RUNX1: variants seen among roughly 807,000 people sequenced by gnomAD.
The protein encoded by RUNX1 is RUNX family transcription factor 1, also known as runt-related transcription factor 1.
Under a neutral mutation model 42.8 loss-of-function variants are expected in RUNX1, and 19 were observed. The observed-to-expected ratio is 0.44, with a 90% confidence interval of 0.31 to 0.65. The LOEUF (loss-of-function observed/expected upper bound fraction) is 0.65. Ranked by LOEUF, RUNX1 falls within the 30% of genes least tolerant of loss-of-function variation. The probability of loss-of-function intolerance (pLI) is 0.07; values close to 1 mark genes in which losing one functional copy is unlikely to be tolerated. For missense variants in RUNX1, 528 were observed against 672.0 expected (o/e 0.79, Z 2.37); for synonymous variants, 271 against 289.4 (o/e 0.94, Z 0.64).
intron 6 of RUNX1, among the ~76,000 whole-genome samples, chr21:34,854,419 T>A (rs180769395): frequency 6.6e-6 from 1 of 151,770 alleles, no homozygotes; most frequent in East Asian, 1.9e-4. Flanking sequence ...ACCATCTCTA[T>A]GAAAAAAATT....
intron 6 of RUNX1, among the ~76,000 whole-genome samples, chr21:34,837,108 C>T (rs565745784): frequency 2.6e-5 from 4 of 152,310 alleles, no homozygotes; most frequent in Non-Finnish European, 5.9e-5. Flanking sequence ...AAATTGTAGT[C>T]ATTTATAGAG....
intron 2 of RUNX1, among the ~76,000 whole-genome samples, chr21:34,913,006 G>A (rs979236152): frequency 1.3e-5 from 2 of 152,132 alleles, no homozygotes; most frequent in African/African-American, 4.8e-5. Context: ...TGAGGCAGGT[G>A]GATCACTTGA....
chr21:34,904,215 C>T (rs16992490), intron 2 of RUNX1, among the ~76,000 whole-genome samples: 36,025 of 151,836 alleles, frequency 0.24, 4,577 homozygotes, highest in African/African-American at 0.3. Context: ...AAAGGTAAGG[C>T]AAATTTTGCT....
At chr21:34,941,714 A>T (rs1039742895) in intron 2 of RUNX1, among the ~76,000 whole-genome samples, 1 of 152,260 alleles carries the variant, frequency 6.6e-6, no homozygotes, top group African/African-American at 2.4e-5. Context: ...CTAAAGCCAG[A>T]TAACTGAAAT....
chr21:34,849,895 T>C (rs190103629), intron 6 of RUNX1, among the ~76,000 whole-genome samples: 5 of 151,540 alleles, frequency 3.3e-5, no homozygotes, highest in African/African-American at 1.2e-4. Context: ...TAGCTTTTAC[T>C]TATTTAAGCT....
intron 2 of RUNX1, among the ~76,000 whole-genome samples, chr21:35,018,998 G>A (rs1184415150): frequency 1.3e-5 from 2 of 152,162 alleles, no homozygotes; most frequent in Non-Finnish European, 2.9e-5. Flanking sequence ...TTCTTTGGGG[G>A]TTGAAGGGAA....
At chr21:34,845,492 C>T (rs1047443027) in intron 6 of RUNX1, among the ~76,000 whole-genome samples, 1 of 152,242 alleles carries the variant, frequency 6.6e-6, no homozygotes, top group Admixed American at 6.5e-5. Flanking sequence ...AGCCTCCCAG[C>T]TCCTCTGTGT....
intron 2 of RUNX1, among the ~76,000 whole-genome samples, chr21:34,917,900 G>GTGGA (rs769374653): frequency 9.7e-4 from 148 of 152,170 alleles, no homozygotes; most frequent in Non-Finnish European, 1.8e-3. Context: ...GGAGGTCCAG[G>GTGGA]TGGATGGATC....
chr21:34,840,662 C>T (rs574662263), intron 6 of RUNX1, among the ~76,000 whole-genome samples: 1 of 152,222 alleles, frequency 6.6e-6, no homozygotes, highest in Non-Finnish European at 1.5e-5. Flanking sequence ...TCAGGTTGGT[C>T]TCAGAGCTCT....
intron 7 of RUNX1, among the ~76,000 whole-genome samples, chr21:34,815,581 G>A (rs2056814363): frequency 6.6e-6 from 1 of 152,200 alleles, no homozygotes; most frequent in African/African-American, 2.4e-5. Flanking sequence ...ATGGGTTTCA[G>A]AAGTGCTGGA....
Position 34,792,546 on chromosome 21 carries a change from G to A in RUNX1, c.1032C>T (p.Asp344=), listed in dbSNP as rs1601333645. Reference sequence around the variant, plus strand: ...AGGCGCCTGGATAGTGCATGCGGGGGTCGGAGATGGAGGGCAGCGCGGGGA... The same window carrying A: ...AGGCGCCTGGATAGTGCATGCGGGGATCGGAGATGGAGGGCAGCGCGGGGA... The part of the protein sequence containing the change: ...RQFPALPSIS[D]PRMHYPGAFT... Residue 344 remains aspartate (D), a synonymous_variant, in exon 9 of 9, where the codon GAC becomes GAT. Coordinates refer to ENST00000675419, the MANE Select transcript of RUNX1 (RefSeq NM_001754.5). The surrounding 1 kb of genome is among the most constrained non-coding windows in gnomAD (Gnocchi z 6.9). 1 of 1,607,144 alleles carries A rather than the reference G, an allele frequency of 6.2e-7. No homozygotes were observed. The highest frequency in any genetic ancestry group is 1.1e-5 in the South Asian group (1 of 89,772).
At chr21:34,818,281 T>G (rs1341898103) in intron 7 of RUNX1, among the ~76,000 whole-genome samples, 1 of 152,252 alleles carries the variant, frequency 6.6e-6, no homozygotes, top group Non-Finnish European at 1.5e-5. Context: ...CAGTAGGAAA[T>G]TATCCTTCAT....
chr21:35,038,962 A>T, intron 2 of RUNX1: 1 of 344,254 alleles, frequency 2.9e-6, no homozygotes, highest in Non-Finnish European at 5.8e-6. Context: ...GGGCAGGCAC[A>T]TGGTGGGTGC....
chr21:34,856,370 T>C (rs1486120303), intron 6 of RUNX1: 1 of 519,036 alleles, frequency 1.9e-6, no homozygotes, highest in Admixed American at 1.9e-5. Flanking sequence ...GTCTTCGAGA[T>C]GAGCCAAATA....
Position 34,790,942 on chromosome 21 carries a change from C to T in RUNX1, c.*1193G>A. On this transcript the variant is annotated 3_prime_UTR_variant, in exon 9 of 9. Transcript: ENST00000675419. ...ACCTTGGGGTGAGCAAATCCCTGGGCAGAAATCAAATCCTCTCCAAAGATG... is the reference window on the plus strand; with the variant it reads ...ACCTTGGGGTGAGCAAATCCCTGGGTAGAAATCAAATCCTCTCCAAAGATG... The T allele has an allele frequency of 8.6e-6, 2 of 233,644 alleles. No individual in the cohort carries two copies. The highest frequency in any genetic ancestry group is 1.2e-4 in the East Asian group (2 of 16,582). 14.5% of individuals were successfully genotyped at this position (233,644 alleles called of 1,614,324 possible). A position where few individuals can be genotyped will look rare whatever the true frequency, so the allele number is the denominator to read the frequency against.
chr21:34,836,800 G>A (rs148051184), intron 6 of RUNX1, among the ~76,000 whole-genome samples: 15 of 152,276 alleles, frequency 9.9e-5, no homozygotes, highest in African/African-American at 3.6e-4. Context: ...AGTGATGTGA[G>A]CGAGGTCATT....
intron 2 of RUNX1, among the ~76,000 whole-genome samples, chr21:34,914,875 C>T (rs1291361117): frequency 6.6e-6 from 1 of 152,186 alleles, no homozygotes; most frequent in Non-Finnish European, 1.5e-5. Context: ...AGAGGGCTGC[C>T]ATTCATTGCA....
intron 2 of RUNX1, among the ~76,000 whole-genome samples, chr21:34,894,224 G>A (rs988857773): frequency 1.3e-5 from 2 of 152,134 alleles, no homozygotes; most frequent in Admixed American, 1.3e-4. Context: ...GCGGAACCAC[G>A]CACCCTGGAA....
intron 8 of RUNX1, among the ~76,000 whole-genome samples, chr21:34,798,314 C>CT (rs1325095959): frequency 6.6e-6 from 1 of 152,184 alleles, no homozygotes; most frequent in African/African-American, 2.4e-5. Context: ...GCCCCAAACA[C>CT]TAAGTTTCTT....
Sources: gnomAD v4.1 joint callset for allele counts (sites outside exome capture counted in the v4.1 genomes callset) on GRCh38, gnomAD v4.1.1 for gene constraint, Gnocchi (gnomAD v3.1) non-coding constraint, MANE v1.5 for transcripts, NCBI Gene and HGNC (gene_info 2026-07-23, HGNC 2026-07-21) for gene names.